Variants in SLC49A4 observed in about 807,000 individuals in gnomAD.
SLC49A4 encodes solute carrier family 49 member 4.
In SLC49A4, 36 loss-of-function variants were observed where a neutral mutation model predicts 50.6. The observed-to-expected ratio is 0.71, with a 90% CI of 0.55 to 0.94. The LOEUF (loss-of-function observed/expected upper bound fraction) is 0.94, where lower values mean the gene tolerates loss of function less well. Ranked by LOEUF, SLC49A4 falls within the 40% of genes least tolerant of loss-of-function variation. The pLI is 0.00. For synonymous variants in SLC49A4, 248 were observed against 241.2 expected (o/e 1.03, Z -0.26); for missense variants, 503 against 605.7 (o/e 0.83, Z 1.78).
intron 8 of SLC49A4, among the ~76,000 whole-genome samples, chr3:122,877,268 T>C (rs1937277935): frequency 6.6e-6 from 1 of 152,192 alleles, no homozygotes; most frequent in South Asian, 2.1e-4. Context: ...CTTTTTGCTT[T>C]CTAAAAAGGC....
chr3:122,802,255 C>CT (rs1405162838), intron 1 of SLC49A4, among the ~76,000 whole-genome samples: 1 of 152,194 alleles, frequency 6.6e-6, no homozygotes, highest in Non-Finnish European at 1.5e-5. Flanking sequence ...CCTATGACTG[C>CT]TTCAGTTTAC....
At chr3:122,821,797 A>C (rs1458599274) in intron 2 of SLC49A4, among the ~76,000 whole-genome samples, 2 of 152,150 alleles carry the variant, frequency 1.3e-5, no homozygotes, top group Non-Finnish European at 2.9e-5. Flanking sequence ...TTAAAATGTC[A>C]CATTGGCCTT....
At chr3:122,849,083 T>TATTTCACTTAACATG (rs1166279335) in intron 5 of SLC49A4, among the ~76,000 whole-genome samples, 4 of 152,210 alleles carry the variant, frequency 2.6e-5, no homozygotes, top group African/African-American at 4.8e-5. Flanking sequence ...ATACCTGGCT[T>TATTTCACTTAACATG]ATTTCACTTA....
At chr3:122,817,439 A>G (rs898696756) in intron 2 of SLC49A4, among the ~76,000 whole-genome samples, 2 of 152,176 alleles carry the variant, frequency 1.3e-5, no homozygotes, top group Non-Finnish European at 2.9e-5. Flanking sequence ...CTTCTGATTT[A>G]TGGAACTGTA....
At chr3:122,853,411 G>C (rs557815278) in intron 5 of SLC49A4, among the ~76,000 whole-genome samples, 2 of 152,262 alleles carry the variant, frequency 1.3e-5, no homozygotes, top group Admixed American at 1.3e-4. Flanking sequence ...CTGGATGGCA[G>C]GTATTCCAAG....
chr3:122,838,119 A>T (rs954675858), intron 4 of SLC49A4, among the ~76,000 whole-genome samples: 1 of 151,986 alleles, frequency 6.6e-6, no homozygotes, highest in African/African-American at 2.4e-5. Context: ...GGGACTGTAA[A>T]CTAGTTCAAC....
intron 6 of SLC49A4, among the ~76,000 whole-genome samples, chr3:122,857,596 A>G (rs1246970557): frequency 6.6e-6 from 1 of 152,212 alleles, no homozygotes; most frequent in African/African-American, 2.4e-5. Flanking sequence ...GAAAGAATAA[A>G]TTGACACTGT....
chr3:122,866,087 A>G (rs1288965370), intron 7 of SLC49A4, among the ~76,000 whole-genome samples: 1 of 151,980 alleles, frequency 6.6e-6, no homozygotes, highest in Non-Finnish European at 1.5e-5. Context: ...GCTGGAGTAC[A>G]CTGGTGCGAC....
At chr3:122,866,434 A>T (rs970011124) in intron 7 of SLC49A4, among the ~76,000 whole-genome samples, 1 of 152,138 alleles carries the variant, frequency 6.6e-6, no homozygotes, top group Non-Finnish European at 1.5e-5. Context: ...GGCATCATCT[A>T]ATATAATTTA....
chr3:122,850,154 G>A (rs1022849538), intron 5 of SLC49A4, among the ~76,000 whole-genome samples: 9 of 152,082 alleles, frequency 5.9e-5, no homozygotes, highest in African/African-American at 9.7e-5. Context: ...CATCAGAATC[G>A]TCTATTTCAG....
rs370093022 is a variant in SLC49A4 at position 122,806,925 on chromosome 3, A to G, written c.412A>G (p.Ile138Val). The G allele has an allele frequency of 5.6e-6, 9 of 1,601,784 alleles. No homozygotes were observed. In the African/African-American group the frequency reaches 6.7e-5, roughly 12 times the overall value. The change falls in exon 2 of 9, where the codon ATA becomes GTA. Residue 138 changes from isoleucine (I) to valine (V), a missense_variant. By Grantham distance (29) the Ile-to-Val change is conservative. Coordinates refer to ENST00000261038, the MANE Select transcript of SLC49A4 (RefSeq NM_032839.3). The stretch of plus-strand genomic sequence containing the variant: ...GGGAACTGGTCTAAGATGCATACCT[A>G]TATCAGACTTAATCCTTAAAAGAAG... ...VLGTGLRCIP[I>V]SDLILKRRLI...
At chr3:122,845,356 C>T (rs961381624) in intron 4 of SLC49A4, among the ~76,000 whole-genome samples, 1 of 152,112 alleles carries the variant, frequency 6.6e-6, no homozygotes, top group African/African-American at 2.4e-5. Flanking sequence ...TTTCTTTATC[C>T]AGTCTACCAT....
intron 4 of SLC49A4, among the ~76,000 whole-genome samples, chr3:122,840,844 A>C (rs1250771077): frequency 1.3e-5 from 2 of 152,198 alleles, no homozygotes; most frequent in African/African-American, 4.8e-5. Context: ...TGAAATTTTG[A>C]ATCAACAGAT....
intron 4 of SLC49A4, among the ~76,000 whole-genome samples, chr3:122,840,442 TTAA>T (rs944810233): frequency 5.9e-5 from 9 of 152,192 alleles, no homozygotes; most frequent in African/African-American, 2.2e-4. Context: ...TTGAAAATTT[TTAA>T]TAATCTTATT....
At chr3:122,809,443 C>G (rs1936267021) in intron 2 of SLC49A4, among the ~76,000 whole-genome samples, 1 of 152,084 alleles carries the variant, frequency 6.6e-6, no homozygotes, top group African/African-American at 2.4e-5. Context: ...CTATTAAGGC[C>G]AGGTGCAGTG....
At chr3:122,806,574 C>G (rs1298457733) in intron 1 of SLC49A4, among the ~76,000 whole-genome samples, 1 of 151,950 alleles carries the variant, frequency 6.6e-6, no homozygotes, top group Non-Finnish European at 1.5e-5. Flanking sequence ...GACAGTTTTA[C>G]CATGTTGCCC....
intron 5 of SLC49A4, among the ~76,000 whole-genome samples, chr3:122,852,158 A>G (rs1166916081): frequency 6.6e-6 from 1 of 151,804 alleles, no homozygotes; most frequent in Non-Finnish European, 1.5e-5. Flanking sequence ...TACCCAGCTC[A>G]TTTTTGTATT....
chr3:122,814,756 T>G (rs1936341471), intron 2 of SLC49A4, among the ~76,000 whole-genome samples: 2 of 152,186 alleles, frequency 1.3e-5, no homozygotes, highest in Non-Finnish European at 2.9e-5. Context: ...TAAAACATTT[T>G]TTTGTGTGAC....
rs528574765 is a variant in SLC49A4, at chr3:122,796,347, G to A, written c.343+812G>A. 2.1e-4 allele frequency among the ~76,000 whole-genome samples: 32 copies of A among 152,318 alleles called. 1 individual carries two copies. The highest frequency in any genetic ancestry group is 7.7e-4 in the African/African-American group (32 of 41,574). On this transcript the variant is annotated intron_variant, in intron 1 of 8. Coordinates refer to ENST00000261038, the MANE Select transcript of SLC49A4 (RefSeq NM_032839.3). Reference sequence around the variant, plus strand: ...TAATGCCTGGGAGCTACTTTGTACAGTTTCTGTTCAACCTTTTATAAGTTT... The same window carrying A: ...TAATGCCTGGGAGCTACTTTGTACAATTTCTGTTCAACCTTTTATAAGTTT...
Sources: gnomAD v4.1 joint callset for allele counts (sites outside exome capture counted in the v4.1 genomes callset) on GRCh38, gnomAD v4.1.1 for gene constraint, MANE v1.5 for transcripts, NCBI Gene and HGNC (gene_info 2026-07-23, HGNC 2026-07-21) for gene names.